NARS2: variants seen among roughly 807,000 people sequenced by gnomAD.
The protein encoded by NARS2 is asparaginyl-tRNA synthetase.
In NARS2, 60 loss-of-function variants were observed where a neutral mutation model predicts 62.9. That is an observed-to-expected ratio of 0.95 (90% CI 0.77 to 1.18). The LOEUF is 1.18. Among genes scored for constraint, NARS2 ranks in the 50% most tolerant of loss-of-function variants. The pLI is 0.00. For missense variants in NARS2, 619 were observed against 576.4 expected, an observed-to-expected ratio of 1.07 and a Z score of -0.76; for synonymous variants, 196 against 200.0, an observed-to-expected ratio of 0.98 and a Z score of 0.17.
chr11:78,463,957 C>T (rs1439577226), intron 11 of NARS2, among the ~76,000 whole-genome samples: 1 of 152,114 alleles, frequency 6.6e-6, no homozygotes, highest in Non-Finnish European at 1.5e-5. Flanking sequence ...GTGCAGTGTC[C>T]GGAATTGGTG....
intron 12 of NARS2, among the ~76,000 whole-genome samples, chr11:78,442,456 G>A (rs914115952): frequency 6.6e-6 from 1 of 152,114 alleles, no homozygotes; most frequent in African/African-American, 2.4e-5. Context: ...TTACATATAG[G>A]TTGAGACCTT....
intron 10 of NARS2, among the ~76,000 whole-genome samples, chr11:78,467,339 C>T (rs996429238): frequency 4.0e-5 from 6 of 151,846 alleles, no homozygotes; most frequent in Non-Finnish European, 7.4e-5. Context: ...CACAGAAGCC[C>T]GAGACTAGCC....
At chr11:78,497,968 TTAATC>T (rs1419986977) in intron 6 of NARS2, among the ~76,000 whole-genome samples, 1 of 152,178 alleles carries the variant, frequency 6.6e-6, no homozygotes, top group African/African-American at 2.4e-5. Flanking sequence ...CAAGCAAAAT[TTAATC>T]TAAATTATAT....
chr11:78,441,088 TA>T lies in NARS2; in HGVS notation c.1289+2del. 1 of 1,612,162 alleles carries T rather than the reference TA, an allele frequency of 6.2e-7. No homozygotes were observed. Among genetic ancestry groups the T allele is most frequent in the Non-Finnish European group, 8.5e-7 (1 of 1,179,202 alleles). On this transcript the variant is annotated splice_donor_variant, in intron 13 of 13. Coordinates refer to ENST00000281038, the MANE Select transcript of NARS2 (RefSeq NM_024678.6). LOFTEE classifies it high-confidence loss of function. Reference sequence around the variant, plus strand: ...TAAGAATTATTAGGGGCCACATTCTTACCATTGGTAGACTTCTGTAAGTCCC... The same window carrying T: ...TAAGAATTATTAGGGGCCACATTCTTCCATTGGTAGACTTCTGTAAGTCCC...
chr11:78,513,548 C>T (rs754672094), intron 6 of NARS2, among the ~76,000 whole-genome samples: 5 of 151,990 alleles, frequency 3.3e-5, no homozygotes, highest in South Asian at 2.1e-4. Flanking sequence ...GAAGCCGAGG[C>T]GGGCGGATCA....
Position 78,571,354 on chromosome 11 carries a change from C to T in NARS2, c.232G>A (p.Asp78Asn), listed in dbSNP as rs1483269751. 2 of 1,613,030 alleles carry T rather than the reference C, an allele frequency of 1.2e-6. No individual in the cohort carries two copies. Among genetic ancestry groups the T allele is most frequent in the East Asian group, 2.2e-5 (1 of 44,850 alleles). ...ACTCACCTACTGTCAAGGCCTGAAT[C>T]TGCAACAACCTGAAGGCTTTCCAAA... Reference protein sequence around the residue: ...SSLESLQVVADSGLDSRELNF... With the variant: ...SSLESLQVVANSGLDSRELNF... The change falls in exon 2 of 14, where the codon GAT (aspartate) becomes AAT (asparagine). Residue 78 changes from aspartate to asparagine, a missense_variant. Coordinates refer to ENST00000281038, the MANE Select transcript of NARS2 (RefSeq NM_024678.6).
chr11:78,487,017 T>C (rs1300543481), intron 7 of NARS2, among the ~76,000 whole-genome samples: 2 of 152,128 alleles, frequency 1.3e-5, no homozygotes, highest in African/African-American at 4.8e-5. Context: ...ATTAGTAAGT[T>C]TGAAGACAGT....
At chr11:78,512,744 G>A (rs1016843713) in intron 6 of NARS2, among the ~76,000 whole-genome samples, 3 of 151,914 alleles carry the variant, frequency 2.0e-5, no homozygotes, top group African/African-American at 7.3e-5. Flanking sequence ...CTCTATATGA[G>A]ACTATCTCAT....
chr11:78,455,385 A>C (rs1858122309), intron 11 of NARS2, among the ~76,000 whole-genome samples: 1 of 150,770 alleles, frequency 6.6e-6, no homozygotes, highest in South Asian at 2.1e-4. Flanking sequence ...CTTTTAAAGT[A>C]AACTTAAAGT....
intron 4 of NARS2, among the ~76,000 whole-genome samples, chr11:78,563,512 G>A (rs1028685138): frequency 6.6e-6 from 1 of 151,398 alleles, no homozygotes; most frequent in Non-Finnish European, 1.5e-5. Context: ...CACAGCGCCC[G>A]GCCATGAATG....
At chr11:78,480,055 C>A (rs951113806) in intron 7 of NARS2, among the ~76,000 whole-genome samples, 2 of 152,054 alleles carry the variant, frequency 1.3e-5, no homozygotes, top group African/African-American at 2.4e-5. Flanking sequence ...TGCATCACCA[C>A]ACCCAGCTAA....
intron 6 of NARS2, among the ~76,000 whole-genome samples, chr11:78,523,049 T>C (rs555295822): frequency 1.3e-5 from 2 of 152,312 alleles, no homozygotes; most frequent in East Asian, 3.9e-4. Context: ...AATAAAGGAC[T>C]TGTATGCAGA....
chr11:78,440,825 G>C (rs537398670), intron 13 of NARS2, among the ~76,000 whole-genome samples: 1 of 152,068 alleles, frequency 6.6e-6, no homozygotes, highest in Admixed American at 6.6e-5. Flanking sequence ...GAGCCACTGC[G>C]CCCAGCCAAT....
intron 6 of NARS2, among the ~76,000 whole-genome samples, chr11:78,494,351 A>G (rs1022056958): frequency 1.2e-4 from 19 of 152,184 alleles, no homozygotes; most frequent in African/African-American, 3.9e-4. Context: ...GAGGCTCCTT[A>G]GCTATGATCC....
chr11:78,530,742 C>T (rs1338667623), intron 5 of NARS2, among the ~76,000 whole-genome samples: 1 of 152,334 alleles, frequency 6.6e-6, no homozygotes, highest in South Asian at 2.1e-4. Flanking sequence ...GCTGAGATTA[C>T]AGGCATGAGC....
Position 78,502,123 on chromosome 11 carries a change from T to C in NARS2, c.690-8928A>G, listed in dbSNP as rs1860302615. Among the ~76,000 whole-genome samples the C allele has an allele frequency of 2.6e-5, 4 of 152,250 alleles. No homozygotes were observed. The South Asian group carries it at 8.3e-4, about 32-fold the overall frequency. ...ATATGAAATATCCAGAAAAGGCAAA[T>C]CTATAAAAACAGAAAGCAGAAAGTG... On this transcript the variant is annotated intron_variant, in intron 6 of 13. Transcript: ENST00000281038.
chr11:78,468,239 GTGGC>G (rs1468956724), intron 10 of NARS2, among the ~76,000 whole-genome samples: 1 of 135,946 alleles, frequency 7.4e-6, no homozygotes, highest in Non-Finnish European at 1.5e-5. Flanking sequence ...ATTTTCCAGA[GTGGC>G]TCATAAACTA....
chr11:78,498,412 T>C (rs1012763644), intron 6 of NARS2, among the ~76,000 whole-genome samples: 1 of 152,208 alleles, frequency 6.6e-6, no homozygotes, highest in African/African-American at 2.4e-5. Context: ...TCCTCCAAAG[T>C]TACCCCTAGA....
At chr11:78,548,278 G>A (rs769831441) in intron 5 of NARS2, among the ~76,000 whole-genome samples, 18 of 152,190 alleles carry the variant, frequency 1.2e-4, no homozygotes, top group Non-Finnish European at 2.4e-4. Flanking sequence ...GTTGGAACAA[G>A]GGAGGTATTA....
Sources: allele counts gnomAD v4.1 joint callset (sites outside exome capture counted in the v4.1 genomes callset), GRCh38; gene constraint gnomAD v4.1.1; transcripts MANE v1.5; gene names NCBI Gene and HGNC (gene_info 2026-07-23, HGNC 2026-07-21).